Variants in HRH1 observed in about 807,000 individuals in gnomAD.
The protein encoded by HRH1 is histamine H1 receptor.
HRH1 carries 6 observed loss-of-function variants against 10.3 expected under a neutral mutation model. The observed-to-expected ratio is 0.58, with a 90% CI of 0.32 to 1.15. The LOEUF (loss-of-function observed/expected upper bound fraction) is 1.15, where lower values mean the gene tolerates loss of function less well. Among genes scored for constraint, HRH1 ranks in the 50% most tolerant of loss-of-function variants. The pLI, the probability that HRH1 is intolerant of heterozygous loss-of-function variation, is 0.05. For synonymous variants in HRH1, 242 were observed against 236.7 expected (o/e 1.02, Z -0.21); for missense variants, 514 against 615.3 (o/e 0.84, Z 1.74).
At chr3:11,157,232 G>A (rs757154268) in intron 1 of HRH1, among the ~76,000 whole-genome samples, 10 of 152,180 alleles carry the variant, frequency 6.6e-5, no homozygotes, top group Non-Finnish European at 1.2e-4. Context: ...ATGGCCATTC[G>A]TTCGATTTGC....
At chr3:11,160,996 T>G (rs73012507) in intron 1 of HRH1, among the ~76,000 whole-genome samples, 2,231 of 152,286 alleles carry the variant, frequency 0.015, 26 homozygotes, top group Middle Eastern at 0.041. Context: ...TGTTTCTGCC[T>G]CCAAGTTTGG....
chr3:11,205,912 G>A (rs1056613044), intron 1 of HRH1, among the ~76,000 whole-genome samples: 2 of 151,964 alleles, frequency 1.3e-5, no homozygotes, highest in Non-Finnish European at 2.9e-5. Context: ...CGCCCGCCGC[G>A]GCCTCCCAAA....
intron 1 of HRH1, among the ~76,000 whole-genome samples, chr3:11,225,205 G>C (rs991532767): frequency 6.6e-6 from 1 of 152,246 alleles, no homozygotes; most frequent in Non-Finnish European, 1.5e-5. Context: ...CTACAAACAA[G>C]ACCATGTTAT....
chr3:11,202,404 CAATA>C lies in HRH1; in HGVS notation c.-36+47880_-36+47883del, dbSNP rs60116753. Among the ~76,000 whole-genome samples, 15 of 140,620 alleles carry C rather than the reference CAATA, an allele frequency of 1.1e-4. No homozygotes were observed. The East Asian group carries it at 2.1e-3, about 20-fold the overall frequency. 92.3% of individuals were successfully genotyped at this position (140,620 alleles called of 152,430 possible). ...TGGGTGACAGAGCAAGACTCCATCTCAATAAATAAATAAATAAATAAATAAATAA... is the reference window on the plus strand; with the variant it reads ...TGGGTGACAGAGCAAGACTCCATCTCAATAAATAAATAAATAAATAAATAA... On this transcript the variant is annotated intron_variant, in intron 1 of 1. Coordinates refer to ENST00000431010, the MANE Select transcript of HRH1 (RefSeq NM_001098212.2).
chr3:11,256,005 C>T (rs541455872), intron 1 of HRH1, among the ~76,000 whole-genome samples: 9 of 152,152 alleles, frequency 5.9e-5, no homozygotes, highest in East Asian at 1.9e-4. Context: ...GAAGGTGAAG[C>T]TGCAAGGTAT....
chr3:11,244,503 G>A (rs1291894386), intron 1 of HRH1, among the ~76,000 whole-genome samples: 1 of 152,210 alleles, frequency 6.6e-6, no homozygotes, highest in Non-Finnish European at 1.5e-5. Context: ...GGTACAGGAT[G>A]GTGGTGCTCA....
At chr3:11,172,339 C>A (rs1295675663) in intron 1 of HRH1, among the ~76,000 whole-genome samples, 1 of 152,274 alleles carries the variant, frequency 6.6e-6, no homozygotes, top group Admixed American at 6.5e-5. Context: ...TTGGGTCACA[C>A]TGCCCCAGCC....
chr3:11,196,592 A>G (rs531773528), intron 1 of HRH1, among the ~76,000 whole-genome samples: 46 of 152,302 alleles, frequency 3.0e-4, no homozygotes, highest in East Asian at 5.8e-4. Context: ...CTCACCTAGC[A>G]CATGGGAGTT....
At chr3:11,150,505 C>T (rs1009123354), upstream of HRH1, among the ~76,000 whole-genome samples, 6 of 152,394 alleles carry the variant, frequency 3.9e-5, no homozygotes, top group African/African-American at 7.2e-5. Flanking sequence ...CGGACATCTC[C>T]GTCCACAGCT....
chr3:11,161,790 G>A (rs573806611), intron 1 of HRH1, among the ~76,000 whole-genome samples: 74 of 152,128 alleles, frequency 4.9e-4, no homozygotes, highest in Non-Finnish European at 9.0e-4. Flanking sequence ...TCACAGCAGC[G>A]GGTTTCACCA....
chr3:11,259,634 C>T lies in HRH1; in HGVS notation c.597C>T (p.Phe199=). 6.2e-7 allele frequency: 1 copy of T among 1,614,148 alleles called. No homozygotes were observed. The highest frequency in any genetic ancestry group is 8.5e-7 in the Non-Finnish European group (1 of 1,180,030). ...WFKVMTAIIN[F]YLPTLLMLWF... is the part of the protein sequence containing the mutation. ...AGGTCATGACTGCCATCATCAACTTCTACCTGCCCACCTTGCTCATGCTCT... is the reference window on the plus strand; with the variant it reads ...AGGTCATGACTGCCATCATCAACTTTTACCTGCCCACCTTGCTCATGCTCT... The change falls in exon 2 of 2, where the codon TTC becomes TTT. Residue 199 remains phenylalanine, a synonymous_variant. Coordinates refer to ENST00000431010, the MANE Select transcript of HRH1 (RefSeq NM_001098212.2). The surrounding 1 kb of genome is among the most constrained non-coding windows in gnomAD (Gnocchi z 4.6).
chr3:11,230,962 C>T (rs164100), intron 1 of HRH1, among the ~76,000 whole-genome samples: 43,267 of 152,104 alleles, frequency 0.28, 7,613 homozygotes, highest in Non-Finnish European at 0.4. Flanking sequence ...AGAAGAGTTC[C>T]GTCACCAATG....
Position 11,259,008 on chromosome 3 carries a change from G to A in HRH1, c.-30G>A. On this transcript the variant is annotated 5_prime_UTR_variant, in exon 2 of 2. Transcript: ENST00000431010. The surrounding 1 kb of genome is among the most constrained non-coding windows in gnomAD (Gnocchi z 4.6). ...TTTTCTCTCTTTTCTCCCAGGGAGT[G>A]AGCCATAACTGGTGGCTGCTCTTGC... 6.4e-7 allele frequency: 1 copy of A among 1,552,424 alleles called. No homozygotes were observed.
chr3:11,250,082 G>A (rs549696794), intron 1 of HRH1, among the ~76,000 whole-genome samples: 25 of 112,280 alleles, frequency 2.2e-4, no homozygotes, highest in South Asian at 6.3e-4. Flanking sequence ...TCGCTCTGCC[G>A]CCCAGGCTGG....
chr3:11,183,068 A>G lies in HRH1; in HGVS notation c.-36+28514A>G, dbSNP rs572174871. On this transcript the variant is annotated intron_variant, in intron 1 of 1. Transcript: ENST00000431010. Reference sequence around the variant, plus strand: ...GATGCACTCCTCCCGCCCCCTGGCCATCTCTGATGCTTTCATCATCTCTTA... The same window carrying G: ...GATGCACTCCTCCCGCCCCCTGGCCGTCTCTGATGCTTTCATCATCTCTTA... 5.9e-5 allele frequency among the ~76,000 whole-genome samples: 9 copies of G among 152,336 alleles called. No homozygotes were observed. The South Asian group carries it at 8.3e-4, about 14-fold the overall frequency.
chr3:11,189,476 G>A (rs964013277), intron 1 of HRH1, among the ~76,000 whole-genome samples: 2 of 152,152 alleles, frequency 1.3e-5, no homozygotes, highest in Non-Finnish European at 2.9e-5. Flanking sequence ...GTATTATAAC[G>A]AGATCCTTGG....
intron 1 of HRH1, among the ~76,000 whole-genome samples, chr3:11,183,783 T>C (rs1162650328): frequency 6.6e-6 from 1 of 151,162 alleles, no homozygotes; most frequent in Non-Finnish European, 1.5e-5. Flanking sequence ...AGTGGTGCGA[T>C]CTCGGCTCAC....
At chr3:11,184,886 C>A (rs1343072370) in intron 1 of HRH1, among the ~76,000 whole-genome samples, 1 of 147,752 alleles carries the variant, frequency 6.8e-6, no homozygotes, top group Non-Finnish European at 1.5e-5. Flanking sequence ...CCACTGCACT[C>A]CAGCCTGGGC....
chr3:11,261,049 C>T lies in HRH1; in HGVS notation c.*548C>T, dbSNP rs1447812236. The T allele has an allele frequency of 1.8e-5, 3 of 167,354 alleles. No homozygotes were observed. The highest frequency in any genetic ancestry group is 7.2e-5 in the African/African-American group (3 of 41,464). The allele number at this position is 167,354 out of a possible 1,614,324, so 10.4% of individuals were successfully genotyped here. Reference sequence around the variant, plus strand: ...AGGCATGACAGCTGTTCCACAGGGGCTATCCCTTCTCAGAAAACTTCTCTT... The same window carrying T: ...AGGCATGACAGCTGTTCCACAGGGGTTATCCCTTCTCAGAAAACTTCTCTT... On this transcript the variant is annotated 3_prime_UTR_variant, in exon 2 of 2. Transcript: ENST00000431010.
Sources: gnomAD v4.1 joint callset for allele counts (sites outside exome capture counted in the v4.1 genomes callset) on GRCh38, gnomAD v4.1.1 for gene constraint, Gnocchi (gnomAD v3.1) non-coding constraint, MANE v1.5 for transcripts, NCBI Gene and HGNC (gene_info 2026-07-23, HGNC 2026-07-21) for gene names.